OARD1: variants seen among roughly 807,000 people sequenced by gnomAD.
OARD1 encodes O-acyl-ADP-ribose deacylase 1.
OARD1 carries 19 observed loss-of-function variants against 19.7 expected under a neutral mutation model. The observed-to-expected ratio is 0.96, with a 90% confidence interval of 0.67 to 1.41. OARD1 has a LOEUF of 1.41. OARD1 is among the 40% of genes most tolerant of loss of function. The pLI is 0.00. For synonymous variants in OARD1, 70 were observed against 61.8 expected (o/e 1.13, Z -0.62); for missense variants, 190 against 183.8 (o/e 1.03, Z -0.20).
chr6:41,080,828 T>G, intron 1 of OARD1: 1 of 1,613,954 alleles, frequency 6.2e-7, no homozygotes, highest in Non-Finnish European at 8.5e-7. Flanking sequence ...GTGGTGTCAC[T>G]GCTGTGCAGT....
At chr6:41,079,037 C>T in intron 1 of OARD1, 5 of 1,560,970 alleles carry the variant, frequency 3.2e-6, no homozygotes, top group Non-Finnish European at 4.4e-6. Context: ...AGGAGTGTAC[C>T]TCACAGCCTT....
At position 41,067,433 on chromosome 6, in the gene OARD1, C is replaced by A. The variant is rs1041324072; in HGVS notation, c.361G>T (p.Gly121Ter). The A allele has an allele frequency of 1.2e-6, 2 of 1,610,760 alleles. 1 individual carries two copies. The highest frequency in any genetic ancestry group is 1.7e-6 in the Non-Finnish European group (2 of 1,177,298). ...CATTGCAGACGATCAAGACCACATC[C>A]AATCCTGAAAAAGACAAAATATCTC... ...GVTDLSMPRIGCGLDRLQWEN... is the reference protein window; with the variant it reads ...GVTDLSMPRI The change falls in exon 6 of 6, where the codon GGA becomes TGA. Residue 121 changes from glycine (G) to a stop codon, truncating the protein, a stop_gained. Transcript: ENST00000424266. LOFTEE classifies it high-confidence loss of function.
chr6:41,078,149 T>C (rs1429732441), intron 1 of OARD1, among the ~76,000 whole-genome samples: 1 of 152,196 alleles, frequency 6.6e-6, no homozygotes, highest in Non-Finnish European at 1.5e-5. Context: ...CATTCATCCA[T>C]TTTTTGATGC....
chr6:41,091,499 T>C, intron 1 of OARD1: 7 of 1,610,196 alleles, frequency 4.3e-6, no homozygotes, highest in Non-Finnish European at 5.9e-6. Flanking sequence ...GCCTGTTTTT[T>C]GTTTGTTTTA....
chr6:41,087,056 G>A (rs143644923), intron 1 of OARD1, among the ~76,000 whole-genome samples: 348 of 152,168 alleles, frequency 2.3e-3, no homozygotes, highest in Non-Finnish European at 3.8e-3. Context: ...ATACAACCGA[G>A]TTTGTATTCA....
chr6:41,094,540 T>C lies in OARD1; in HGVS notation c.-42+3173A>G, dbSNP rs909159980. 5.9e-6 allele frequency: 9 copies of C among 1,513,942 alleles called. No homozygotes were observed. In the Admixed American group the frequency reaches 6.7e-5, roughly 11 times the overall value. The allele number at this position is 1,513,942 out of a possible 1,614,324, so 93.8% of individuals were successfully genotyped here. On this transcript the variant is annotated intron_variant, in intron 1 of 4. Coordinates refer to the OARD1 transcript ENST00000480585. ...TTTTATTCTTCTCTTTATTACCTTG[T>C]ATTGACTTGAGTTGAAGCCTTCAGC...
intron 1 of OARD1, among the ~76,000 whole-genome samples, chr6:41,096,363 T>C (rs1764356406): frequency 1.3e-5 from 2 of 152,236 alleles, no homozygotes; most frequent in African/African-American, 4.8e-5. Context: ...TGACAGCTAT[T>C]GTGGCAGGAG....
chr6:41,071,959 A>C (rs1763441537), intron 1 of OARD1: 2 of 379,112 alleles, frequency 5.3e-6, no homozygotes, highest in Non-Finnish European at 9.7e-6. Context: ...TCCTTTCTCC[A>C]GGGCCACTCC....
chr6:41,080,173 G>A (rs1222556143), intron 1 of OARD1, among the ~76,000 whole-genome samples: 1 of 152,160 alleles, frequency 6.6e-6, no homozygotes, highest in East Asian at 1.9e-4. Flanking sequence ...TTGAAGCTGG[G>A]CATGGTGCTG....
intron 1 of OARD1, among the ~76,000 whole-genome samples, chr6:41,081,767 T>C (rs1561851595): frequency 6.6e-6 from 1 of 152,226 alleles, no homozygotes; most frequent in African/African-American, 2.4e-5. Context: ...TGACCTGTCT[T>C]ATTACTAGAT....
chr6:41,065,671 CA>C lies in OARD1; in HGVS notation c.*1663del. The C allele has an allele frequency of 6.6e-6, 1 of 152,256 alleles. No homozygotes were observed. Among genetic ancestry groups the C allele is most frequent in the Non-Finnish European group, 1.5e-5 (1 of 68,002 alleles). 9.4% of individuals were successfully genotyped at this position (152,256 alleles called of 1,614,324 possible). A position where few individuals can be genotyped will look rare whatever the true frequency, so the allele number is the denominator to read the frequency against. ...AACTTGTCTGTTCCACCTAGAAATACAAAAGTGAAATACTTTTTTGAAACTG... is the reference window on the plus strand; with the variant it reads ...AACTTGTCTGTTCCACCTAGAAATACAAAGTGAAATACTTTTTTGAAACTG... On this transcript the variant is annotated 3_prime_UTR_variant, in exon 6 of 6. Transcript: ENST00000424266.
At chr6:41,097,598 T>A (rs2113828516) in intron 1 of OARD1, 1 of 586,994 alleles carries the variant, frequency 1.7e-6, no homozygotes. Context: ...GTTGCAAGCC[T>A]TTGTCTTACT....
chr6:41,088,423 CAAAAAAAAAAA>C (rs34590854), intron 1 of OARD1, among the ~76,000 whole-genome samples: 150 of 64,728 alleles, frequency 2.3e-3, no homozygotes, highest in African/African-American at 8.9e-3. Context: ...ACTCCGTCTC[CAAAAAAAAAAA>C]AAAAAAAAAA....
chr6:41,072,855 G>C (rs148207476), upstream of OARD1: 23 of 153,126 alleles, frequency 1.5e-4, no homozygotes, highest in Non-Finnish European at 2.8e-4. Flanking sequence ...CCTGCGCGTT[G>C]CTCCTCCGAA....
At chr6:41,089,507 G>GCTTTCTA in intron 1 of OARD1, 4 of 1,430,458 alleles carry the variant, frequency 2.8e-6, no homozygotes, top group Non-Finnish European at 3.7e-6. Flanking sequence ...AGAGAAATGT[G>GCTTTCTA]GATAACTCTC....
intron 5 of OARD1, 139 bp from the exon 6 acceptor site, chr6:41,067,576 T>C: frequency 1.7e-6 from 1 of 587,524 alleles, no homozygotes; most frequent in East Asian, 2.9e-5. Context: ...GGTAGGAGTT[T>C]GGAAGTCAAT....
chr6:41,078,603 A>C (rs1434847429), intron 1 of OARD1, among the ~76,000 whole-genome samples: 2 of 152,206 alleles, frequency 1.3e-5, no homozygotes, highest in Non-Finnish European at 2.9e-5. Flanking sequence ...TGAGAAGGGT[A>C]AATTTTGCCT....
chr6:41,071,758 G>A (rs1425732430), intron 1 of OARD1, 83 bp from the exon 2 acceptor site: 2 of 761,722 alleles, frequency 2.6e-6, no homozygotes, highest in African/African-American at 1.7e-5. Flanking sequence ...CCACTTAATA[G>A]GCTTTTTTCC....
At chr6:41,071,333 C>G in intron 2 of OARD1, 57 bp from the exon 3 acceptor site, 9 of 1,533,878 alleles carry the variant, frequency 5.9e-6, no homozygotes, top group Non-Finnish European at 8.1e-6. Context: ...AAATACTAAG[C>G]TATTTTTCTG....
Sources: gnomAD v4.1 joint callset for allele counts (sites outside exome capture counted in the v4.1 genomes callset) on GRCh38, gnomAD v4.1.1 for gene constraint, MANE v1.5 for transcripts, NCBI Gene and HGNC (gene_info 2026-07-23, HGNC 2026-07-21) for gene names.